The following KCTD16 variants were observed in gnomAD, a reference collection of about 807,000 sequenced individuals.
The protein encoded by KCTD16 is potassium channel tetramerization domain containing 16.
A neutral mutation model predicts 33.2 loss-of-function variants in KCTD16; 13 were observed. The observed-to-expected ratio is 0.39, with a 90% CI of 0.25 to 0.62. The LOEUF is 0.62. Ranked by LOEUF, KCTD16 falls within the 20% of genes least tolerant of loss-of-function variation. The probability of loss-of-function intolerance (pLI) is 0.50; values close to 1 mark genes in which losing one functional copy is unlikely to be tolerated. For missense variants in KCTD16, 441 were observed against 525.1 expected, an observed-to-expected ratio of 0.84 and a Z score of 1.57; for synonymous variants, 197 against 195.3, an observed-to-expected ratio of 1.01 and a Z score of -0.07.
At chr5:144,367,527 CCT>C (rs1396503127) in intron 3 of KCTD16, among the ~76,000 whole-genome samples, 3 of 152,008 alleles carry the variant, frequency 2.0e-5, no homozygotes. Context: ...TCTTTCTATG[CCT>C]CTCAGTTTCA....
At chr5:144,341,932 G>A (rs1172678358) in intron 3 of KCTD16, among the ~76,000 whole-genome samples, 1 of 152,164 alleles carries the variant, frequency 6.6e-6, no homozygotes. Flanking sequence ...AGTCTTGTAT[G>A]TAAGCCATTT....
intron 3 of KCTD16, among the ~76,000 whole-genome samples, chr5:144,279,204 C>T (rs922998660): frequency 6.6e-6 from 1 of 152,186 alleles, no homozygotes; most frequent in East Asian, 1.9e-4. Context: ...TTCTTGTAGA[C>T]ACACTGATAT....
intron 3 of KCTD16, among the ~76,000 whole-genome samples, chr5:144,371,669 C>A (rs536004017): frequency 6.6e-6 from 1 of 151,878 alleles, no homozygotes; most frequent in Non-Finnish European, 1.5e-5. Flanking sequence ...GGTTCTGTGG[C>A]ACTGATGTTC....
At chr5:144,407,882 T>C (rs1752846642) in intron 3 of KCTD16, among the ~76,000 whole-genome samples, 1 of 152,220 alleles carries the variant, frequency 6.6e-6, no homozygotes, top group Non-Finnish European at 1.5e-5. Flanking sequence ...TCTCATTCTT[T>C]TTTATGGCTG....
intron 3 of KCTD16, among the ~76,000 whole-genome samples, chr5:144,301,430 T>C (rs1374145449): frequency 6.6e-6 from 1 of 152,080 alleles, no homozygotes; most frequent in East Asian, 1.9e-4. Flanking sequence ...AGAAGAGAGA[T>C]GGTGAATTCT....
intron 3 of KCTD16, among the ~76,000 whole-genome samples, chr5:144,304,816 T>TG (rs1751552337): frequency 6.6e-6 from 1 of 152,106 alleles, no homozygotes; most frequent in East Asian, 1.9e-4. Context: ...TGCAGGTCTG[T>TG]CACTGTCTTG....
intron 3 of KCTD16, among the ~76,000 whole-genome samples, chr5:144,409,914 A>G (rs552853765): frequency 6.6e-6 from 1 of 152,362 alleles, no homozygotes; most frequent in South Asian, 2.1e-4. Context: ...TGAGACTGCC[A>G]CAGGCAGGGC....
At chr5:144,349,995 T>G (rs1236632217) in intron 3 of KCTD16, among the ~76,000 whole-genome samples, 2 of 152,168 alleles carry the variant, frequency 1.3e-5, no homozygotes, top group Non-Finnish European at 2.9e-5. Flanking sequence ...GGCAGCAGAA[T>G]GCCAAATTCT....
At position 144,485,053 on chromosome 5, in the gene KCTD16, A is replaced by G. The variant is rs1413322369; in HGVS notation, c.*10939A>G. On this transcript the variant is annotated 3_prime_UTR_variant, in exon 4 of 4. Transcript: ENST00000512467. Reference sequence around the variant, plus strand: ...CTCAGTTATTCAGCAAAAAGTCTGCAGTCTGTGAATAGCAAATATACATAA... The same window carrying G: ...CTCAGTTATTCAGCAAAAAGTCTGCGGTCTGTGAATAGCAAATATACATAA... The G allele has an allele frequency of 6.6e-6, 1 of 151,948 alleles. No homozygotes were observed. The highest frequency in any genetic ancestry group is 2.4e-5 in the African/African-American group (1 of 41,422). The allele number at this position is 151,948 out of a possible 1,614,324, so 9.4% of individuals were successfully genotyped here. A position where few individuals can be genotyped will look rare whatever the true frequency, so the allele number is the denominator to read the frequency against.
At chr5:144,279,128 T>A (rs773797701) in intron 3 of KCTD16, among the ~76,000 whole-genome samples, 1 of 152,236 alleles carries the variant, frequency 6.6e-6, no homozygotes, top group Non-Finnish European at 1.5e-5. Flanking sequence ...GATTGATTTT[T>A]GTGTTTGGAC....
At chr5:144,353,307 A>AT (rs1418663478) in intron 3 of KCTD16, among the ~76,000 whole-genome samples, 1 of 152,134 alleles carries the variant, frequency 6.6e-6, no homozygotes, top group East Asian at 1.9e-4. Flanking sequence ...CATAGACACG[A>AT]TTTTCCAGGT....
intron 3 of KCTD16, among the ~76,000 whole-genome samples, chr5:144,457,891 G>GT (rs1384723099): frequency 6.6e-6 from 1 of 152,118 alleles, no homozygotes; most frequent in Non-Finnish European, 1.5e-5. Flanking sequence ...GTCTTATACC[G>GT]TAACTGGTGC....
chr5:144,237,652 CA>C (rs1184763988), intron 3 of KCTD16, among the ~76,000 whole-genome samples: 4 of 151,916 alleles, frequency 2.6e-5, no homozygotes, highest in Admixed American at 2.0e-4. Context: ...CAGGGAAAAA[CA>C]AAAAACAAAA....
chr5:144,390,679 C>T (rs1338004116), intron 3 of KCTD16, among the ~76,000 whole-genome samples: 3 of 151,966 alleles, frequency 2.0e-5, no homozygotes, highest in African/African-American at 4.8e-5. Flanking sequence ...CCTCCCCTTG[C>T]CCCCTACCCC....
intron 3 of KCTD16, among the ~76,000 whole-genome samples, chr5:144,347,531 G>A (rs1237738797): frequency 6.6e-6 from 1 of 152,180 alleles, no homozygotes; most frequent in East Asian, 1.9e-4. Context: ...GGAGGCGGAA[G>A]TTGCAGTGAG....
intron 3 of KCTD16, among the ~76,000 whole-genome samples, chr5:144,238,270 A>C (rs1003458481): frequency 3.9e-5 from 6 of 152,170 alleles, no homozygotes; most frequent in African/African-American, 2.4e-5. Flanking sequence ...TAGCTAAAAA[A>C]GATTCAAGAA....
chr5:144,309,008 C>T (rs1298378406), intron 3 of KCTD16, among the ~76,000 whole-genome samples: 1 of 152,122 alleles, frequency 6.6e-6, no homozygotes, highest in Non-Finnish European at 1.5e-5. Context: ...GCCAAAACCA[C>T]ACAGATTGTT....
intron 3 of KCTD16, among the ~76,000 whole-genome samples, chr5:144,254,373 G>A (rs925783605): frequency 1.3e-5 from 2 of 151,558 alleles, no homozygotes; most frequent in Admixed American, 6.6e-5. Flanking sequence ...TTGATCTCCT[G>A]GCAAATGCAT....
intron 3 of KCTD16, among the ~76,000 whole-genome samples, chr5:144,252,774 G>A (rs2126832465): frequency 6.6e-6 from 1 of 151,832 alleles, no homozygotes; most frequent in South Asian, 2.1e-4. Context: ...GCCTTGAGAT[G>A]GACGCTGGTG....
Sources: allele counts gnomAD v4.1 joint callset (sites outside exome capture counted in the v4.1 genomes callset), GRCh38; gene constraint gnomAD v4.1.1; transcripts MANE v1.5; gene names NCBI Gene and HGNC (gene_info 2026-07-23, HGNC 2026-07-21).